Variants in PLPPR4 observed in about 807,000 individuals in gnomAD.
PLPPR4 encodes phospholipid phosphatase-related protein type 4.
A neutral mutation model predicts 56.6 loss-of-function variants in PLPPR4; 24 were observed. The observed-to-expected ratio is 0.42, with a 90% CI of 0.31 to 0.60. The LOEUF (loss-of-function observed/expected upper bound fraction) is 0.60, where lower values mean the gene tolerates loss of function less well. PLPPR4 is among the 20% of genes least tolerant of loss of function. The pLI is 0.13. For synonymous variants in PLPPR4, 326 were observed against 328.1 expected (o/e 0.99, Z 0.07); for missense variants, 654 against 885.8 (o/e 0.74, Z 3.32).
Position 99,306,518 on chromosome 1 carries a change from G to C in PLPPR4, c.1656G>C (p.Thr552=). ...GCCCCAAGAACACTGAAGGCAGCAC[G>C]GTCTCCTGCACTGGCTCCATCCGCT... The part of the protein sequence containing the change: ...QSSPKNTEGS[T]VSCTGSIRYK... The change falls in exon 7 of 7, where the codon ACG becomes ACC. Residue 552 remains threonine (T), a synonymous_variant. Transcript: ENST00000370185. This position sits in a 1 kb window ranked among gnomAD's most constrained non-coding sequence, Gnocchi z 4.0. The C allele has an allele frequency of 1.9e-6, 3 of 1,614,134 alleles. No individual in the cohort carries two copies. Among genetic ancestry groups the C allele is most frequent in the Non-Finnish European group, 1.7e-6 (2 of 1,180,024 alleles).
At chr1:99,270,512 AT>A (rs1191316423) in intron 1 of PLPPR4, among the ~76,000 whole-genome samples, 2 of 152,204 alleles carry the variant, frequency 1.3e-5, no homozygotes, top group Non-Finnish European at 2.9e-5. Context: ...AAAGACACAC[AT>A]TTTGAAATTG....
At position 99,288,058 on chromosome 1, in the gene PLPPR4, C is replaced by G. The variant is rs769093710; in HGVS notation, c.172C>G (p.Arg58Gly). The G allele has an allele frequency of 6.2e-7, 1 of 1,612,860 alleles. No homozygotes were observed. Among genetic ancestry groups the G allele is most frequent in the Non-Finnish European group, 8.5e-7 (1 of 1,179,094 alleles). Residue 58 changes from arginine to glycine, a missense_variant, in exon 2 of 7, where the codon CGG becomes GGG. By Grantham distance (125) the Arg-to-Gly change is moderately radical (BLOSUM62 -2). Around this residue, in one of 2 missense-constraint regions of PLPPR4, gnomAD observed 186 missense variants for 331.4 expected, o/e 0.56. Transcript: ENST00000370185. ...PVHSGFSCYD[R>G]SLSMPYIEPT... ...GCACTCTGGATTTAGCTGCTATGAC[C>G]GGAGTCTTAGCATGCCGTACATTGA... is the stretch of plus-strand genomic sequence containing the variant.
At chr1:99,294,444 C>T (rs1659693050) in intron 2 of PLPPR4, among the ~76,000 whole-genome samples, 1 of 108,210 alleles carries the variant, frequency 9.2e-6, no homozygotes, top group African/African-American at 3.4e-5. Context: ...GCCTGTAATC[C>T]CAGCACTTTA....
At chr1:99,292,506 A>T (rs959245049) in intron 2 of PLPPR4, among the ~76,000 whole-genome samples, 7 of 152,182 alleles carry the variant, frequency 4.6e-5, no homozygotes, top group African/African-American at 1.7e-4. Context: ...GTGCCACTCA[A>T]TTCCTGCATC....
At chr1:99,295,371 T>TA (rs960244744) in intron 2 of PLPPR4, among the ~76,000 whole-genome samples, 25 of 152,112 alleles carry the variant, frequency 1.6e-4, no homozygotes, top group African/African-American at 4.3e-4. Flanking sequence ...TTAGATTTTT[T>TA]AAAAAAAACT....
intron 3 of PLPPR4, 48 bp from the exon 4 acceptor site, chr1:99,298,987 C>T (rs1659814703): frequency 7.8e-7 from 1 of 1,288,104 alleles, no homozygotes; most frequent in Non-Finnish European, 1.1e-6. Context: ...ATGTTTGATG[C>T]TGACACAACC....
In PLPPR4 at chr1:99,305,937, AAGG is replaced by A; in HGVS notation, c.1078_1080del (p.Glu360del). ...CATTACTCCACGGAGCCCCATGGGG[AAGG>A]AGAACATGGTTACCTTCAGCAATAC... On this transcript the variant is annotated inframe_deletion, in exon 7 of 7. Coordinates refer to ENST00000370185, the MANE Select transcript of PLPPR4 (RefSeq NM_014839.5). 1.1e-5 allele frequency: 18 copies of A among 1,614,146 alleles called. No individual in the cohort carries two copies. Among genetic ancestry groups the A allele is most frequent in the Non-Finnish European group, 1.4e-5 (16 of 1,180,020 alleles).
chr1:99,263,150 A>G (rs1658803625), upstream of PLPPR4, among the ~76,000 whole-genome samples: 1 of 152,310 alleles, frequency 6.6e-6, no homozygotes, highest in African/African-American at 2.4e-5. Flanking sequence ...GGGCAACTCC[A>G]GGACCTACTT....
At chr1:99,286,814 C>T (rs1385897685) in intron 1 of PLPPR4, among the ~76,000 whole-genome samples, 2 of 152,198 alleles carry the variant, frequency 1.3e-5, no homozygotes, top group African/African-American at 2.4e-5. Flanking sequence ...AAGCATGAAG[C>T]AACTTGCATT....
At chr1:99,289,039 T>C (rs1051850289) in intron 2 of PLPPR4, among the ~76,000 whole-genome samples, 2 of 152,146 alleles carry the variant, frequency 1.3e-5, no homozygotes, top group African/African-American at 4.8e-5. Context: ...CACTTTTAGA[T>C]AAATCTATTA....
intron 4 of PLPPR4, 137 bp from the exon 5 acceptor site, chr1:99,300,772 G>T: frequency 3.0e-6 from 2 of 670,732 alleles, no homozygotes; most frequent in South Asian, 3.5e-5. Flanking sequence ...TCACCAGAAA[G>T]CTGGACAGAA....
Position 99,305,852 on chromosome 1 carries a change from A to T in PLPPR4, c.990A>T (p.Arg330=). Residue 330 remains arginine (R), a synonymous_variant, in exon 7 of 7, where the codon CGA becomes CGT. Transcript: ENST00000370185. ...CTCATACAGAAGGCATCCTCAACCG[A>T]AACCACAGAGATGCTAGCTCTCTGA... is the stretch of plus-strand genomic sequence containing the variant. ...GIAHTEGILN[R]NHRDASSLTN... The T allele has an allele frequency of 6.2e-7, 1 of 1,614,136 alleles. No individual in the cohort carries two copies. The highest frequency in any genetic ancestry group is 8.5e-7 in the Non-Finnish European group (1 of 1,180,012).
chr1:99,286,191 A>G (rs1659459973), intron 1 of PLPPR4, among the ~76,000 whole-genome samples: 1 of 152,218 alleles, frequency 6.6e-6, no homozygotes, highest in Non-Finnish European at 1.5e-5. Context: ...TGCATGGGGT[A>G]TACTTACACT....
At chr1:99,277,604 A>G (rs1659223564) in intron 1 of PLPPR4, among the ~76,000 whole-genome samples, 1 of 152,122 alleles carries the variant, frequency 6.6e-6, no homozygotes, top group Non-Finnish European at 1.5e-5. Context: ...GTATTTATAA[A>G]CTTTCTGCAA....
chr1:99,264,280 T>G, upstream of PLPPR4: 1 of 589,240 alleles, frequency 1.7e-6, no homozygotes, highest in South Asian at 2.4e-5. Context: ...TGAGGGAGGG[T>G]GACAGGGAGG....
rs1234163476 is a variant in PLPPR4 at position 99,306,772 on chromosome 1, G to T, written c.1910G>T (p.Arg637Leu). Residue 637 changes from arginine (R) to leucine (L), a missense_variant, in exon 7 of 7, where the codon CGC becomes CTC. Arg to Leu is a moderately radical substitution (Grantham distance 102). Coordinates refer to ENST00000370185, the MANE Select transcript of PLPPR4 (RefSeq NM_014839.5). This position sits in a 1 kb window ranked among gnomAD's most constrained non-coding sequence, Gnocchi z 4.0. ...AAAGACAGCTTTGGTTCTGGAGATCGCAAGAGAAGCAACATTGATAGCAAT... is the reference window on the plus strand; with the variant it reads ...AAAGACAGCTTTGGTTCTGGAGATCTCAAGAGAAGCAACATTGATAGCAAT... ...SLKDSFGSGDRKRSNIDSNEH... is the reference protein window; with the variant it reads ...SLKDSFGSGDLKRSNIDSNEH... The T allele has an allele frequency of 3.1e-6, 5 of 1,613,960 alleles. No homozygotes were observed. In the South Asian group the frequency reaches 4.4e-5, roughly 14 times the overall value.
intron 1 of PLPPR4, among the ~76,000 whole-genome samples, chr1:99,265,565 G>C (rs1245417153): frequency 6.6e-6 from 1 of 152,160 alleles, no homozygotes; most frequent in Non-Finnish European, 1.5e-5. Flanking sequence ...ATACTGAAGG[G>C]TTGTATTGCA....
chr1:99,307,679 T>C lies in PLPPR4; in HGVS notation c.*669T>C, dbSNP rs1432282324. 6.6e-6 allele frequency: 1 copy of C among 152,232 alleles called. No individual in the cohort carries two copies. Among genetic ancestry groups the C allele is most frequent in the Admixed American group, 6.5e-5 (1 of 15,282 alleles). 9.4% of individuals were successfully genotyped at this position (152,232 alleles called of 1,614,324 possible). ...TGCGTTTCTTCAAAATTCTGCTTTC[T>C]TCAACATCAAAAATTGTGTAGAAAT... On this transcript the variant is annotated 3_prime_UTR_variant, in exon 7 of 7. Transcript: ENST00000370185.
intron 6 of PLPPR4, 38 bp from the exon 7 acceptor site, chr1:99,305,647 C>CTT (rs1297653937): frequency 1.4e-5 from 22 of 1,580,690 alleles, no homozygotes; most frequent in Non-Finnish European, 1.9e-5. Context: ...TGACTGTCTT[C>CTT]TAGTGCATGA....
Sources: gnomAD v4.1 joint callset for allele counts (sites outside exome capture counted in the v4.1 genomes callset) on GRCh38, gnomAD v4.1.1 for gene constraint, gnomAD v4.1.1 regional missense constraint, Gnocchi (gnomAD v3.1) non-coding constraint, MANE v1.5 for transcripts, NCBI Gene and HGNC (gene_info 2026-07-23, HGNC 2026-07-21) for gene names.